The following COBLL1 variants were observed in gnomAD, a reference collection of about 807,000 sequenced individuals.
The protein encoded by COBLL1 is cordon-bleu WH2 repeat protein like 1, also known as cordon-bleu protein-like 1.
In COBLL1, 50 loss-of-function variants were observed where a neutral mutation model predicts 94.8. The ratio of observed to expected loss-of-function variants is 0.53; its 90% CI spans 0.42 to 0.67. The LOEUF is 0.67. Ranked by LOEUF, COBLL1 falls within the 30% of genes least tolerant of loss-of-function variation. The pLI is 0.00. For synonymous variants in COBLL1, 448 were observed against 473.8 expected (o/e 0.95, Z 0.71); for missense variants, 1,362 against 1,348.7 (o/e 1.01, Z -0.15).
chr2:164,743,974 T>C lies in COBLL1; in HGVS notation c.42-99A>G. ...TATAAATATGATCTAGTAGTGGTTT[T>C]TCACATCTAGAAAAAATGTTCTACA... On this transcript the variant is annotated intron_variant, in intron 2 of 13. Coordinates refer to ENST00000652658, the MANE Select transcript of COBLL1 (RefSeq NM_001365672.2). 3 of 830,052 alleles carry C rather than the reference T, an allele frequency of 3.6e-6. No homozygotes were observed. In the South Asian group the frequency reaches 7.3e-5, roughly 20 times the overall value. 51.4% of individuals were successfully genotyped at this position (830,052 alleles called of 1,614,324 possible). A position where few individuals can be genotyped will look rare whatever the true frequency, so the allele number is the denominator to read the frequency against.
At position 164,772,192 on chromosome 2, in the gene COBLL1, A is replaced by T. The variant is rs1433595347; in HGVS notation, c.42-28317T>A. 3 of 151,706 alleles carry T rather than the reference A, an allele frequency of 2.0e-5. No homozygotes were observed. The East Asian group carries it at 5.8e-4, about 29-fold the overall frequency. The allele number at this position is 151,706 out of a possible 1,614,324, so 9.4% of individuals were successfully genotyped here. A position where few individuals can be genotyped will look rare whatever the true frequency, so the allele number is the denominator to read the frequency against. ...CAGTGACAGATAGTAATTTGATACTATCTTTTTTATTTTTAAAATAAAACA... is the reference window on the plus strand; with the variant it reads ...CAGTGACAGATAGTAATTTGATACTTTCTTTTTTATTTTTAAAATAAAACA... On this transcript the variant is annotated intron_variant, in intron 2 of 13. Transcript: ENST00000652658.
At chr2:164,782,078 T>G (rs1303421475) in intron 2 of COBLL1, among the ~76,000 whole-genome samples, 1 of 152,176 alleles carries the variant, frequency 6.6e-6, no homozygotes, top group Non-Finnish European at 1.5e-5. Flanking sequence ...AGCCAACACT[T>G]CTAATTCTCA....
At chr2:164,761,563 T>A (rs1262748141) in intron 2 of COBLL1, 2 of 152,218 alleles carry the variant, frequency 1.3e-5, no homozygotes, top group African/African-American at 4.8e-5. Flanking sequence ...CAAAGGTGTG[T>A]AGAGAAAATA....
At chr2:164,809,034 T>C (rs200703103) in intron 2 of COBLL1, among the ~76,000 whole-genome samples, 4 of 152,106 alleles carry the variant, frequency 2.6e-5, no homozygotes, top group Non-Finnish European at 5.9e-5. Flanking sequence ...CAGACTGTCA[T>C]CCTCAAAAAA....
chr2:164,797,707 G>C (rs1368458191), intron 2 of COBLL1, among the ~76,000 whole-genome samples: 2 of 151,982 alleles, frequency 1.3e-5, no homozygotes, highest in Non-Finnish European at 2.9e-5. Context: ...TCTTTCTACA[G>C]TACATATTTC....
At position 164,790,106 on chromosome 2, in the gene COBLL1, A is replaced by G. The variant is rs548735800; in HGVS notation, c.42-46231T>C. ...TTAATGAGAATAGAAATCAATTCAC[A>G]CTGGGTGGGGCCACCATCTGTGTGG... On this transcript the variant is annotated intron_variant, in intron 2 of 13. Transcript: ENST00000652658. 1.1e-3 allele frequency among the ~76,000 whole-genome samples: 160 copies of G among 152,326 alleles called. 6 individuals are homozygous for G. The South Asian group carries it at 0.032, about 31-fold the overall frequency.
Position 164,841,538 on chromosome 2 carries a change from G to T in COBLL1, c.-51+172C>A. On this transcript the variant is annotated intron_variant, in intron 1 of 13. Coordinates refer to ENST00000652658, the MANE Select transcript of COBLL1 (RefSeq NM_001365672.2). The surrounding 1 kb of genome is among the most constrained non-coding windows in gnomAD (Gnocchi z 5.5). ...GCCTCTCGGAGGGAGAGGAGCCGCCGGGGCTGGAAAAGGAGGAGGAGCGGG... is the reference window on the plus strand; with the variant it reads ...GCCTCTCGGAGGGAGAGGAGCCGCCTGGGCTGGAAAAGGAGGAGGAGCGGG... The T allele has an allele frequency of 1.1e-6, 1 of 888,516 alleles. No individual in the cohort carries two copies. The allele number at this position is 888,516 out of a possible 1,614,324, so 55.0% of individuals were successfully genotyped here. A position where few individuals can be genotyped will look rare whatever the true frequency, so the allele number is the denominator to read the frequency against.
chr2:164,709,038 C>T (rs3769872), intron 7 of COBLL1, among the ~76,000 whole-genome samples: 15,366 of 152,130 alleles, frequency 0.1, 1,174 homozygotes, highest in African/African-American at 0.22. Flanking sequence ...GAGGAATATA[C>T]ACAGACTCAC....
Position 164,704,978 on chromosome 2 carries a change from T to G in COBLL1, c.1124A>C (p.Gln375Pro). Residue 375 changes from glutamine to proline, a missense_variant, in exon 8 of 14, where the codon CAA becomes CCA. Coordinates refer to ENST00000652658, the MANE Select transcript of COBLL1 (RefSeq NM_001365672.2). ...PSPPSKIPPHQSDENSRVTAL... is the reference protein window; with the variant it reads ...PSPPSKIPPHPSDENSRVTAL... The stretch of plus-strand genomic sequence containing the variant: ...AGTCACACGACTATTTTCATCACTT[T>G]GATGCGGGGGTATTTTGGAGGGTGG... 1 of 1,594,080 alleles carries G rather than the reference T, an allele frequency of 6.3e-7. No individual in the cohort carries two copies. Among genetic ancestry groups the G allele is most frequent in the Non-Finnish European group, 8.5e-7 (1 of 1,173,006 alleles).
At chr2:164,747,673 G>A (rs142617658) in intron 2 of COBLL1, among the ~76,000 whole-genome samples, 2 of 152,036 alleles carry the variant, frequency 1.3e-5, no homozygotes, top group African/African-American at 4.8e-5. Flanking sequence ...ACCAGGTTTT[G>A]CCATGTTGGC....
intron 2 of COBLL1, among the ~76,000 whole-genome samples, chr2:164,801,217 A>T (rs1683768123): frequency 6.6e-6 from 1 of 151,764 alleles, no homozygotes. Flanking sequence ...AGGCAGGCGG[A>T]TCACGAGGTC....
intron 1 of COBLL1, among the ~76,000 whole-genome samples, chr2:164,671,724 AT>A (rs879678825): frequency 0.011 from 1,619 of 144,072 alleles, 15 homozygotes; most frequent in African/African-American, 0.031. Flanking sequence ...CGTTATGAAG[AT>A]TTTTTTTTTT....
At position 164,682,885 on chromosome 2, in the gene COBLL1, C is replaced by T. The variant is rs1683101537; in HGVS notation, c.*3061G>A. On this transcript the variant is annotated 3_prime_UTR_variant, in exon 14 of 14. Coordinates refer to ENST00000652658, the MANE Select transcript of COBLL1 (RefSeq NM_001365672.2). Reference sequence around the variant, plus strand: ...CAGCAAGAAACAATAGAATGGCTAACAGAAATACGATCGATCTGTATGTGT... The same window carrying T: ...CAGCAAGAAACAATAGAATGGCTAATAGAAATACGATCGATCTGTATGTGT... The T allele has an allele frequency of 6.6e-6, 1 of 151,946 alleles. No individual in the cohort carries two copies. Among genetic ancestry groups the T allele is most frequent in the South Asian group, 2.1e-4 (1 of 4,818 alleles). 9.4% of individuals were successfully genotyped at this position (151,946 alleles called of 1,614,324 possible).
chr2:164,818,084 G>T (rs543106889), intron 2 of COBLL1, among the ~76,000 whole-genome samples: 1 of 151,116 alleles, frequency 6.6e-6, no homozygotes, highest in East Asian at 1.9e-4. Flanking sequence ...TGTACATCAT[G>T]TATATATGTA....
At position 164,683,382 on chromosome 2, in the gene COBLL1, T is replaced by C. The variant is rs1047463334; in HGVS notation, c.*2564A>G. 6 of 152,060 alleles carry C rather than the reference T, an allele frequency of 3.9e-5. No homozygotes were observed. The highest frequency in any genetic ancestry group is 1.4e-4 in the African/African-American group (6 of 41,412). 9.4% of individuals were successfully genotyped at this position (152,060 alleles called of 1,614,324 possible). The stretch of plus-strand genomic sequence containing the variant: ...TACTTGTCACAAATTTCTTTCCCCA[T>C]TGACAGGATAGCACATGTTCTCCTA... On this transcript the variant is annotated 3_prime_UTR_variant, in exon 14 of 14. Coordinates refer to ENST00000652658, the MANE Select transcript of COBLL1 (RefSeq NM_001365672.2).
At chr2:164,800,273 A>T (rs1683698182) in intron 2 of COBLL1, among the ~76,000 whole-genome samples, 2 of 152,210 alleles carry the variant, frequency 1.3e-5, no homozygotes, top group South Asian at 4.1e-4. Flanking sequence ...GGACTTAAAC[A>T]GTTGTCTCAA....
chr2:164,740,129 T>A (rs897192811), intron 3 of COBLL1, among the ~76,000 whole-genome samples: 1 of 152,074 alleles, frequency 6.6e-6, no homozygotes, highest in Non-Finnish European at 1.5e-5. Context: ...GCGAACAAAG[T>A]CCCTAAATGA....
intron 7 of COBLL1, among the ~76,000 whole-genome samples, chr2:164,710,305 G>A (rs1339500798): frequency 1.3e-5 from 2 of 152,050 alleles, no homozygotes; most frequent in Admixed American, 6.5e-5. Context: ...TTTAAGTTAG[G>A]AGACTTCGAT....
chr2:164,820,892 T>C (rs1223822669), intron 2 of COBLL1, among the ~76,000 whole-genome samples: 1 of 152,122 alleles, frequency 6.6e-6, no homozygotes, highest in East Asian at 1.9e-4. Flanking sequence ...TTTTGTTTTG[T>C]TTTGTTTTGT....
Sources: allele counts gnomAD v4.1 joint callset (sites outside exome capture counted in the v4.1 genomes callset), GRCh38; gene constraint gnomAD v4.1.1; non-coding constraint Gnocchi (gnomAD v3.1); transcripts MANE v1.5; gene names NCBI Gene and HGNC (gene_info 2026-07-23, HGNC 2026-07-21).